Variants in LARP4B observed in about 807,000 individuals in gnomAD.
LARP4B encodes the protein la-related protein 4B.
LARP4B carries 12 observed loss-of-function variants against 89.8 expected under a neutral mutation model. That is an observed-to-expected ratio of 0.13 (90% confidence interval 0.09 to 0.22). LARP4B has a LOEUF of 0.22. LARP4B is among the 10% of genes least tolerant of loss of function. The probability of loss-of-function intolerance (pLI) is 1.00; values close to 1 mark genes in which losing one functional copy is unlikely to be tolerated. For missense variants in LARP4B, 757 were observed against 947.7 expected (o/e 0.80, Z 2.64); for synonymous variants, 367 against 363.3 (o/e 1.01, Z -0.12).
the LARP4B span, among the ~76,000 whole-genome samples, chr10:945,666 C>A: frequency 7.0e-6 from 1 of 143,484 alleles, no homozygotes; most frequent in African/African-American, 2.6e-5. Flanking sequence ...CCAGCCTGGG[C>A]AACAGAGCGA....
intron 8 of LARP4B, 139 bp from the exon 9 acceptor site, chr10:831,116 C>A: frequency 2.1e-6 from 1 of 471,762 alleles, no homozygotes; most frequent in Non-Finnish European, 3.8e-6. Flanking sequence ...AATCTCTCTT[C>A]CAAAAAGGAT....
intron 1 of LARP4B, among the ~76,000 whole-genome samples, chr10:921,229 C>T (rs1836968263): frequency 6.6e-6 from 1 of 151,338 alleles, no homozygotes; most frequent in Non-Finnish European, 1.5e-5. Context: ...GCCGAGATCG[C>T]ACCATTGCAC....
chr10:907,862 T>C (rs1836536566), intron 1 of LARP4B, among the ~76,000 whole-genome samples: 1 of 152,176 alleles, frequency 6.6e-6, no homozygotes, highest in Non-Finnish European at 1.5e-5. Context: ...AGAAGGTTGA[T>C]CATCAATGGC....
chr10:855,479 A>C (rs1043240848), intron 5 of LARP4B, among the ~76,000 whole-genome samples: 6 of 152,140 alleles, frequency 3.9e-5, no homozygotes, highest in African/African-American at 1.4e-4. Flanking sequence ...GGAAGGCCCA[A>C]GCAAAGAGAG....
intron 9 of LARP4B, 25 bp from the exon 10 acceptor site, chr10:829,759 T>G: frequency 1.3e-6 from 2 of 1,559,532 alleles, no homozygotes; most frequent in Non-Finnish European, 1.8e-6. Flanking sequence ...AAGTACAAAA[T>G]TCCATTCGAT....
chr10:813,223 G>A lies in LARP4B; in HGVS notation c.1930-10C>T. 1 of 1,601,998 alleles carries A rather than the reference G, an allele frequency of 6.2e-7. No individual in the cohort carries two copies. The highest frequency in any genetic ancestry group is 1.3e-5 in the African/African-American group (1 of 74,290). ...TGGGCTTTCGCAATTCCTGGAAACAGACAATCCTGGGTTACCTGTGTGAAA... is the reference window on the plus strand; with the variant it reads ...TGGGCTTTCGCAATTCCTGGAAACAAACAATCCTGGGTTACCTGTGTGAAA... On this transcript the variant is annotated splice_polypyrimidine_tract_variant and intron_variant, in intron 17 of 17. Transcript: ENST00000316157.
chr10:846,975 G>A lies in LARP4B; in HGVS notation c.431-1920C>T, dbSNP rs567403875. On this transcript the variant is annotated intron_variant, in intron 5 of 17. Transcript: ENST00000316157. Reference sequence around the variant, plus strand: ...CTATAACATGACACAGTAGAGCCAGGTAAGTTAAGAAGTTGAAACTAACTA... The same window carrying A: ...CTATAACATGACACAGTAGAGCCAGATAAGTTAAGAAGTTGAAACTAACTA... Among the ~76,000 whole-genome samples the A allele has an allele frequency of 3.9e-5, 6 of 152,278 alleles. No homozygotes were observed. In the East Asian group the frequency reaches 1.2e-3, roughly 29 times the overall value.
chr10:843,461 G>C (rs904288440), intron 6 of LARP4B, among the ~76,000 whole-genome samples: 4 of 152,136 alleles, frequency 2.6e-5, no homozygotes, highest in Non-Finnish European at 5.9e-5. Flanking sequence ...CACTTTGGGG[G>C]GCCAAGGTAG....
chr10:830,033 T>C (rs1160274154), intron 9 of LARP4B, among the ~76,000 whole-genome samples: 1 of 152,160 alleles, frequency 6.6e-6, no homozygotes, highest in Non-Finnish European at 1.5e-5. Flanking sequence ...TGGTGGAAAA[T>C]GATGAATACT....
upstream of LARP4B, among the ~76,000 whole-genome samples, chr10:936,205 G>C (rs967841217): frequency 6.6e-5 from 10 of 152,146 alleles, no homozygotes; most frequent in African/African-American, 1.9e-4. Context: ...ATGTTGCAGA[G>C]ATCAGGGGAG....
chr10:878,443 T>C (rs1284426948), intron 3 of LARP4B, among the ~76,000 whole-genome samples: 4 of 151,988 alleles, frequency 2.6e-5, no homozygotes, highest in Non-Finnish European at 5.9e-5. Context: ...GTGACTCATG[T>C]ATCTCATCTA....
At chr10:972,217 A>G in the LARP4B span, 5 of 318,198 alleles carry the variant, frequency 1.6e-5, no homozygotes, top group South Asian at 1.4e-4. Context: ...TAGTAGAGAC[A>G]GGGTTTTGCC....
At chr10:964,687 T>G in the LARP4B span, among the ~76,000 whole-genome samples, 2 of 152,200 alleles carry the variant, frequency 1.3e-5, no homozygotes, top group African/African-American at 2.4e-5. Flanking sequence ...CCGGGTTTCC[T>G]GACCCCTCTG....
Position 878,905 on chromosome 10 carries a change from A to G in LARP4B, c.141+5542T>C, listed in dbSNP as rs1835564358. ...TCATATTCTAAATGATGCAAATACTAAGCAATAAAATTACTAATTTTTTTA... is the reference window on the plus strand; with the variant it reads ...TCATATTCTAAATGATGCAAATACTGAGCAATAAAATTACTAATTTTTTTA... On this transcript the variant is annotated intron_variant, in intron 3 of 17. Transcript: ENST00000316157. Among the ~76,000 whole-genome samples the G allele has an allele frequency of 3.3e-5, 5 of 152,244 alleles. No homozygotes were observed. The South Asian group carries it at 1.0e-3, about 31-fold the overall frequency.
At chr10:965,089 T>C in the LARP4B span, among the ~76,000 whole-genome samples, 1 of 152,166 alleles carries the variant, frequency 6.6e-6, no homozygotes, top group Non-Finnish European at 1.5e-5. Context: ...ACGGGGGACC[T>C]GCTAGGTCCT....
chr10:956,497 C>T, the LARP4B span, among the ~76,000 whole-genome samples: 1 of 152,092 alleles, frequency 6.6e-6, no homozygotes, highest in Non-Finnish European at 1.5e-5. This position sits in a 1 kb window ranked among gnomAD's most constrained non-coding sequence, Gnocchi z 4.3. Context: ...AGGCGCCCGC[C>T]ACCACGCCCA....
intron 1 of LARP4B, among the ~76,000 whole-genome samples, chr10:908,884 G>C (rs898505355): frequency 6.6e-6 from 1 of 152,184 alleles, no homozygotes; most frequent in Non-Finnish European, 1.5e-5. Context: ...CTTGCCAGGT[G>C]GTGAGGGGCC....
chr10:965,701 A>C, the LARP4B span, among the ~76,000 whole-genome samples: 542 of 151,734 alleles, frequency 3.6e-3, 8 homozygotes, highest in Admixed American at 0.033. Flanking sequence ...ACTGGCACCT[A>C]CTAGATACCA....
intron 5 of LARP4B, among the ~76,000 whole-genome samples, chr10:852,398 T>C (rs1041962643): frequency 6.6e-6 from 1 of 152,198 alleles, no homozygotes; most frequent in Non-Finnish European, 1.5e-5. Context: ...AACAAATATA[T>C]GCCCATCTCC....
Sources: allele counts gnomAD v4.1 joint callset (sites outside exome capture counted in the v4.1 genomes callset), GRCh38; gene constraint gnomAD v4.1.1; non-coding constraint Gnocchi (gnomAD v3.1); transcripts MANE v1.5; gene names NCBI Gene and HGNC (gene_info 2026-07-23, HGNC 2026-07-21).